KCNIP4: variants seen among roughly 807,000 people sequenced by gnomAD.
KCNIP4 encodes potassium voltage-gated channel interacting protein 4, also known as Kv channel-interacting protein 4.
Under a neutral mutation model 34.0 loss-of-function variants are expected in KCNIP4, and 12 were observed. The ratio of observed to expected loss-of-function variants is 0.35; its 90% CI spans 0.23 to 0.57. The LOEUF is 0.57. KCNIP4 is among the 20% of genes least tolerant of loss of function. The probability of loss-of-function intolerance (pLI) is 0.83; values close to 1 mark genes in which losing one functional copy is unlikely to be tolerated. For missense variants in KCNIP4, 238 were observed against 311.7 expected, an observed-to-expected ratio of 0.76 and a Z score of 1.78; for synonymous variants, 124 against 102.2, an observed-to-expected ratio of 1.21 and a Z score of -1.29.
intron 1 of KCNIP4, among the ~76,000 whole-genome samples, chr4:21,234,369 T>C (rs1314467703): frequency 1.6e-5 from 2 of 128,764 alleles, no homozygotes; most frequent in East Asian, 2.2e-4. Flanking sequence ...ATATATAATA[T>C]ATAACATACA....
At chr4:21,492,406 G>C (rs991130991) in intron 1 of KCNIP4, among the ~76,000 whole-genome samples, 2 of 151,788 alleles carry the variant, frequency 1.3e-5, no homozygotes, top group African/African-American at 4.8e-5. Flanking sequence ...TTATTTTTTG[G>C]AGACATAGGG....
chr4:21,176,249 G>T (rs1754400287), intron 1 of KCNIP4, among the ~76,000 whole-genome samples: 1 of 152,090 alleles, frequency 6.6e-6, no homozygotes, highest in African/African-American at 2.4e-5. Context: ...AACAGCCTTT[G>T]TTTTCTCCTC....
intron 1 of KCNIP4, among the ~76,000 whole-genome samples, chr4:21,128,185 A>G (rs536913456): frequency 5.9e-5 from 9 of 152,236 alleles, no homozygotes; most frequent in Non-Finnish European, 1.0e-4. Context: ...TGAAAACACA[A>G]TAAAGTACAA....
At chr4:21,662,639 T>C (rs139448695) in intron 1 of KCNIP4, among the ~76,000 whole-genome samples, 25 of 152,360 alleles carry the variant, frequency 1.6e-4, no homozygotes, top group African/African-American at 5.5e-4. Flanking sequence ...TAATTGTTTC[T>C]ATATAAAAAT....
At chr4:21,939,502 C>T (rs1448433122) in intron 1 of KCNIP4, among the ~76,000 whole-genome samples, 2 of 152,224 alleles carry the variant, frequency 1.3e-5, no homozygotes, top group African/African-American at 4.8e-5. Flanking sequence ...CAGGTTCTGG[C>T]TTCCTTTTTC....
At chr4:21,585,709 A>G (rs1741562568) in intron 1 of KCNIP4, among the ~76,000 whole-genome samples, 1 of 152,082 alleles carries the variant, frequency 6.6e-6, no homozygotes, top group Admixed American at 6.6e-5. Context: ...TAGTGTATAA[A>G]ATCCATTATG....
chr4:20,827,938 A>T (rs1165958063), intron 3 of KCNIP4, among the ~76,000 whole-genome samples: 4 of 150,428 alleles, frequency 2.7e-5, no homozygotes, highest in Non-Finnish European at 5.9e-5. Flanking sequence ...GTAATAAAAT[A>T]ACCTGCTAAT....
intron 1 of KCNIP4, among the ~76,000 whole-genome samples, chr4:21,546,598 A>G (rs1434432148): frequency 6.6e-6 from 1 of 152,126 alleles, no homozygotes; most frequent in East Asian, 1.9e-4. Flanking sequence ...AGGTATTTGC[A>G]TTTCCTAATT....
chr4:21,209,164 G>T (rs1289482518), intron 1 of KCNIP4, among the ~76,000 whole-genome samples: 2 of 151,934 alleles, frequency 1.3e-5, no homozygotes, highest in Non-Finnish European at 2.9e-5. Flanking sequence ...ATATTTATAG[G>T]GTACATAGTG....
At chr4:21,430,153 C>T (rs1726307897) in intron 1 of KCNIP4, among the ~76,000 whole-genome samples, 1 of 151,930 alleles carries the variant, frequency 6.6e-6, no homozygotes, top group Non-Finnish European at 1.5e-5. Context: ...TTATCTAGTA[C>T]AATTTATTTC....
At chr4:21,408,524 G>T (rs1013066992) in intron 1 of KCNIP4, among the ~76,000 whole-genome samples, 1 of 152,176 alleles carries the variant, frequency 6.6e-6, no homozygotes, top group African/African-American at 2.4e-5. Flanking sequence ...GTGGTGTGAA[G>T]GTTTGAGGAG....
At chr4:21,513,484 T>A (rs1734500377) in intron 1 of KCNIP4, among the ~76,000 whole-genome samples, 1 of 152,170 alleles carries the variant, frequency 6.6e-6, no homozygotes, top group Non-Finnish European at 1.5e-5. Context: ...TATGCATCCT[T>A]TATCACTGGC....
At chr4:21,143,351 T>C (rs971702681) in intron 1 of KCNIP4, among the ~76,000 whole-genome samples, 1 of 152,130 alleles carries the variant, frequency 6.6e-6, no homozygotes, top group Non-Finnish European at 1.5e-5. Flanking sequence ...GTAATAAGGG[T>C]GGTCTCTAGG....
intron 1 of KCNIP4, among the ~76,000 whole-genome samples, chr4:20,894,069 T>C (rs1205526225): frequency 1.3e-5 from 2 of 151,980 alleles, no homozygotes; most frequent in Non-Finnish European, 2.9e-5. Context: ...TTGGTAGAGA[T>C]GGGATTTCAC....
At chr4:21,606,269 A>T (rs1413699848) in intron 1 of KCNIP4, among the ~76,000 whole-genome samples, 1 of 152,028 alleles carries the variant, frequency 6.6e-6, no homozygotes, top group African/African-American at 2.4e-5. Context: ...TAACATTGAG[A>T]CTCGATATGT....
intron 1 of KCNIP4, among the ~76,000 whole-genome samples, chr4:21,135,445 C>T (rs968197216): frequency 1.3e-5 from 2 of 152,152 alleles, no homozygotes; most frequent in African/African-American, 4.8e-5. Context: ...AATATGGGCT[C>T]TATCAGATAT....
chr4:20,966,069 T>C (rs1734314005), intron 1 of KCNIP4, among the ~76,000 whole-genome samples: 1 of 152,214 alleles, frequency 6.6e-6, no homozygotes, highest in African/African-American at 2.4e-5. Flanking sequence ...TGTTTAGAAG[T>C]TTCTGCTAAT....
chr4:21,061,993 T>C (rs1263324842), intron 1 of KCNIP4, among the ~76,000 whole-genome samples: 1 of 152,156 alleles, frequency 6.6e-6, no homozygotes. Flanking sequence ...CTTGTTCACA[T>C]CTTGATCTTT....
chr4:21,158,311 C>G (rs549168150), intron 1 of KCNIP4, among the ~76,000 whole-genome samples: 2 of 152,116 alleles, frequency 1.3e-5, no homozygotes, highest in East Asian at 3.9e-4. Flanking sequence ...TATGAGCCAG[C>G]ATTACCCCAG....
Sources: gnomAD v4.1 joint callset for allele counts (sites outside exome capture counted in the v4.1 genomes callset) on GRCh38, gnomAD v4.1.1 for gene constraint, MANE v1.5 for transcripts, NCBI Gene and HGNC (gene_info 2026-07-23, HGNC 2026-07-21) for gene names.